Variants in ATP9A observed in about 807,000 individuals in gnomAD.
The protein encoded by ATP9A is ATPase phospholipid transporting 9A.
In ATP9A, 52 loss-of-function variants were observed where a neutral mutation model predicts 144.1. That is an observed-to-expected ratio of 0.36 (90% CI 0.29 to 0.45). The LOEUF (loss-of-function observed/expected upper bound fraction) is 0.45. Ranked by LOEUF, ATP9A falls within the 20% of genes least tolerant of loss-of-function variation. The pLI, the probability that ATP9A is intolerant of heterozygous loss-of-function variation, is 1.00. For missense variants in ATP9A, 947 were observed against 1,392.7 expected, an observed-to-expected ratio of 0.68 and a Z score of 5.09; for synonymous variants, 582 against 557.4, an observed-to-expected ratio of 1.04 and a Z score of -0.62.
At chr20:51,742,272 C>A (rs2077788294) in intron 1 of ATP9A, among the ~76,000 whole-genome samples, 1 of 151,586 alleles carries the variant, frequency 6.6e-6, no homozygotes, top group Admixed American at 6.6e-5. Flanking sequence ...CTGCAGTGAG[C>A]CCTGATCATG....
intron 3 of ATP9A, among the ~76,000 whole-genome samples, chr20:51,723,131 G>A (rs557001893): frequency 7.2e-5 from 11 of 152,116 alleles, no homozygotes; most frequent in Admixed American, 2.0e-4. Context: ...ACTATTATTC[G>A]AAGTGAAGTA....
intron 1 of ATP9A, among the ~76,000 whole-genome samples, chr20:51,748,948 TAGACAGAC>T (rs60891087): frequency 1.5e-5 from 2 of 137,802 alleles, no homozygotes; most frequent in African/African-American, 2.8e-5. Flanking sequence ...GATAGATAGA[TAGACAGAC>T]AGACAGACAG....
intron 1 of ATP9A, among the ~76,000 whole-genome samples, chr20:51,753,290 C>G (rs1391771894): frequency 6.6e-6 from 1 of 151,916 alleles, no homozygotes; most frequent in Non-Finnish European, 1.5e-5. Flanking sequence ...ATTAAAAACA[C>G]AAAAATTAGC....
intron 1 of ATP9A, among the ~76,000 whole-genome samples, chr20:51,740,088 ACT>A (rs1258645956): frequency 6.6e-6 from 1 of 152,000 alleles, no homozygotes; most frequent in African/African-American, 2.4e-5. Flanking sequence ...ACAGGGTCTC[ACT>A]CTGTTACCCA....
intron 24 of ATP9A, among the ~76,000 whole-genome samples, chr20:51,609,290 G>A (rs1019120894): frequency 6.6e-6 from 1 of 152,132 alleles, no homozygotes; most frequent in Non-Finnish European, 1.5e-5. Context: ...AAGACAGCCC[G>A]CTTTTCCAGT....
At chr20:51,604,435 C>T (rs890309634) in intron 27 of ATP9A, among the ~76,000 whole-genome samples, 3 of 152,274 alleles carry the variant, frequency 2.0e-5, no homozygotes, top group South Asian at 4.1e-4. Context: ...GGGCTCGGCA[C>T]CTCCCAGCAC....
intron 2 of ATP9A, 22 bp downstream of exon 2, chr20:51,729,812 C>G: frequency 1.3e-6 from 2 of 1,535,590 alleles, no homozygotes; most frequent in Non-Finnish European, 1.7e-6. Context: ...AAGAAAAGAG[C>G]ACGGTCCCTG....
chr20:51,714,897 A>G (rs965316532), intron 3 of ATP9A, among the ~76,000 whole-genome samples: 1 of 152,218 alleles, frequency 6.6e-6, no homozygotes, highest in Non-Finnish European at 1.5e-5. Context: ...AACTCATAAT[A>G]TCTGGTTGGG....
chr20:51,676,918 T>TC, intron 9 of ATP9A, among the ~76,000 whole-genome samples: 1 of 25,174 alleles, frequency 4.0e-5, no homozygotes, highest in African/African-American at 1.1e-4. Flanking sequence ...GCCCAGTCTC[T>TC]TTTTTTTTTT....
intron 13 of ATP9A, among the ~76,000 whole-genome samples, chr20:51,659,936 ATAAT>A (rs1355343133): frequency 1.3e-5 from 2 of 152,234 alleles, no homozygotes; most frequent in Non-Finnish European, 2.9e-5. Context: ...CATGGTAACA[ATAAT>A]TAGAGTAATG....
At chr20:51,647,134 A>C (rs543069638) in intron 14 of ATP9A, among the ~76,000 whole-genome samples, 3 of 152,216 alleles carry the variant, frequency 2.0e-5, no homozygotes, top group East Asian at 1.9e-4. Context: ...AATAAATAAT[A>C]GTCACTTCTT....
At chr20:51,695,116 CA>C (rs5841857) in intron 6 of ATP9A, among the ~76,000 whole-genome samples, 103,075 of 151,894 alleles carry the variant, frequency 0.68, 34,958 homozygotes, top group East Asian at 0.68. Flanking sequence ...TTCATGTATT[CA>C]AAAAACCTCC....
intron 4 of ATP9A, among the ~76,000 whole-genome samples, chr20:51,710,008 G>T (rs1214693306): frequency 1.3e-5 from 2 of 152,124 alleles, no homozygotes; most frequent in East Asian, 3.9e-4. Flanking sequence ...AACATTTTAA[G>T]ACCTCATGTG....
At chr20:51,748,085 C>G (rs2077815919) in intron 1 of ATP9A, among the ~76,000 whole-genome samples, 1 of 152,204 alleles carries the variant, frequency 6.6e-6, no homozygotes. Flanking sequence ...TTAGACTCTA[C>G]TGGTCTGTTT....
At chr20:51,608,453 G>A in intron 25 of ATP9A, 65 bp downstream of exon 25, 1 of 1,022,538 alleles carries the variant, frequency 9.8e-7, no homozygotes, top group Non-Finnish European at 1.6e-6. Context: ...AAAGCAGGGA[G>A]GGAGGGAAGG....
At chr20:51,750,095 C>T (rs139602994) in intron 1 of ATP9A, among the ~76,000 whole-genome samples, 20 of 152,222 alleles carry the variant, frequency 1.3e-4, no homozygotes, top group African/African-American at 3.6e-4. Flanking sequence ...GCGGAGGTTG[C>T]GGTGAGCCGA....
At chr20:51,681,216 AAC>A (rs2067711025) in intron 9 of ATP9A, among the ~76,000 whole-genome samples, 1 of 152,168 alleles carries the variant, frequency 6.6e-6, no homozygotes, top group African/African-American at 2.4e-5. Flanking sequence ...ATGGCAGCAA[AAC>A]ACTTCATCAA....
intron 1 of ATP9A, among the ~76,000 whole-genome samples, chr20:51,751,505 T>C (rs1233474530): frequency 6.6e-6 from 1 of 152,042 alleles, no homozygotes; most frequent in East Asian, 1.9e-4. Context: ...TAAGAAATCC[T>C]CCCACCTCCG....
chr20:51,736,736 A>C (rs2077764534), intron 1 of ATP9A, among the ~76,000 whole-genome samples: 1 of 152,106 alleles, frequency 6.6e-6, no homozygotes, highest in Non-Finnish European at 1.5e-5. Context: ...GTGAATTATA[A>C]GGTATATGAG....
Sources: allele counts gnomAD v4.1 joint callset (sites outside exome capture counted in the v4.1 genomes callset), GRCh38; gene constraint gnomAD v4.1.1; transcripts MANE v1.5; gene names NCBI Gene and HGNC (gene_info 2026-07-23, HGNC 2026-07-21).